The following ZDHHC23 variants were observed in gnomAD, a reference collection of about 807,000 sequenced individuals.
ZDHHC23 encodes the protein palmitoyltransferase ZDHHC23.
ZDHHC23 carries 41 observed loss-of-function variants against 40.2 expected under a neutral mutation model. The observed-to-expected ratio is 1.02, with a 90% confidence interval of 0.79 to 1.32. The LOEUF (loss-of-function observed/expected upper bound fraction) is 1.32. Among genes scored for constraint, ZDHHC23 ranks in the 40% most tolerant of loss-of-function variants. ZDHHC23 has a pLI of 0.00. For missense variants in ZDHHC23, 471 were observed against 541.5 expected, an observed-to-expected ratio of 0.87 and a Z score of 1.29; for synonymous variants, 204 against 210.2, an observed-to-expected ratio of 0.97 and a Z score of 0.26.
chr3:113,978,061 C>G, the ZDHHC23 span: 28 of 1,038,560 alleles, frequency 2.7e-5, no homozygotes, highest in Non-Finnish European at 4.0e-5. Context: ...ACTCCCACCC[C>G]TGACTGGTGT....
downstream of ZDHHC23, among the ~76,000 whole-genome samples, chr3:113,967,883 C>T (rs912800360): frequency 6.6e-6 from 1 of 152,014 alleles, no homozygotes; most frequent in African/African-American, 2.4e-5. Flanking sequence ...TGAGTAAGAA[C>T]ATGTATTTGT....
chr3:113,968,711 T>G (rs1262181405), downstream of ZDHHC23, among the ~76,000 whole-genome samples: 1 of 151,934 alleles, frequency 6.6e-6, no homozygotes, highest in Non-Finnish European at 1.5e-5. Flanking sequence ...CCACCCACCT[T>G]AGCCTCCCAA....
the ZDHHC23 span, chr3:113,978,047 C>G: frequency 4.7e-6 from 4 of 846,754 alleles, no homozygotes; most frequent in African/African-American, 6.8e-5. Flanking sequence ...GCTGGTGAGC[C>G]GGGACTCCCA....
downstream of ZDHHC23, among the ~76,000 whole-genome samples, chr3:113,969,418 TTGGCCAGACCAG>T (rs1179919606): frequency 6.6e-6 from 1 of 152,190 alleles, no homozygotes; most frequent in Admixed American, 6.5e-5. Context: ...CAAAAAATCT[TTGGCCAGACCAG>T]TGGCCTGGAG....
the ZDHHC23 span, among the ~76,000 whole-genome samples, chr3:113,973,174 G>C: frequency 1.3e-5 from 2 of 152,116 alleles, no homozygotes; most frequent in Non-Finnish European, 2.9e-5. Flanking sequence ...TTCTCAGGTA[G>C]TATGTTTTAA....
chr3:113,960,752 C>T lies in ZDHHC23; in HGVS notation c.*2122C>T. The T allele has an allele frequency of 6.4e-7, 1 of 1,562,264 alleles. No homozygotes were observed. The highest frequency in any genetic ancestry group is 8.6e-7 in the Non-Finnish European group (1 of 1,161,264). On this transcript the variant is annotated 3_prime_UTR_variant, in exon 5 of 5. Transcript: ENST00000638807. ...TGGATGAGCCAACTCCGCTTCCTTC[C>T]CATGGATAGGAAGGGACTCTGTGTA...
Position 113,958,491 on chromosome 3 carries a change from G to A in ZDHHC23, c.1169G>A (p.Arg390Gln), listed in dbSNP as rs1257024701. Residue 390 changes from arginine (R) to glutamine (Q), a missense_variant, in exon 5 of 5, where the codon CGA becomes CAA. Physicochemically the swap from Arg to Gln is conservative, Grantham distance 43. Coordinates refer to ENST00000638807, the MANE Select transcript of ZDHHC23 (RefSeq NM_001320466.2). ...GAGCGGGAAGTCCAGCAGGCCCTCC[G>A]ACAGAAGACTGGGCGCCGGCTCCTC... ...VTEREVQQALRQKTGRRLLCG... is the reference protein window; with the variant it reads ...VTEREVQQALQQKTGRRLLCG... 8 of 1,613,916 alleles carry A rather than the reference G, an allele frequency of 5.0e-6. No individual in the cohort carries two copies. The highest frequency in any genetic ancestry group is 1.3e-5 in the African/African-American group (1 of 74,920).
intron 1 of ZDHHC23, 80 bp from the exon 2 acceptor site, chr3:113,948,604 CCT>C: frequency 1.7e-6 from 1 of 587,426 alleles, no homozygotes; most frequent in Non-Finnish European, 2.9e-6. Context: ...CCTGGAGCCC[CCT>C]GTGTGGCCAG....
At chr3:113,964,495 A>G (rs1160913893), downstream of ZDHHC23, 3 of 152,222 alleles carry the variant, frequency 2.0e-5, no homozygotes, top group African/African-American at 7.2e-5. Flanking sequence ...TGAACAGATA[A>G]TTTAATGAAT....
At chr3:113,978,188 G>A in the ZDHHC23 span, 6 of 1,613,926 alleles carry the variant, frequency 3.7e-6, no homozygotes, top group South Asian at 1.1e-5. Flanking sequence ...AACCTCACCT[G>A]TCACTGTGCT....
At chr3:113,965,096 GA>G, downstream of ZDHHC23, 3 of 988,360 alleles carry the variant, frequency 3.0e-6, no homozygotes, top group Non-Finnish European at 4.5e-6. Flanking sequence ...TGGGTGGGTG[GA>G]GATAACACAC....
chr3:113,958,943 GGAAA>G lies in ZDHHC23; in HGVS notation c.*316_*319del. 1 of 1,211,396 alleles carries G rather than the reference GGAAA, an allele frequency of 8.3e-7. No individual in the cohort carries two copies. The highest frequency in any genetic ancestry group is 3.7e-4 in the Middle Eastern group (1 of 2,676). The allele number at this position is 1,211,396 out of a possible 1,614,324, so 75.0% of individuals were successfully genotyped here. The stretch of plus-strand genomic sequence containing the variant: ...AGCAATTCCCATCCATTAGTATGGA[GGAAA>G]GAGTGTTGGATTAGGATAGTTTCTA... On this transcript the variant is annotated 3_prime_UTR_variant, in exon 5 of 5. Coordinates refer to ENST00000638807, the MANE Select transcript of ZDHHC23 (RefSeq NM_001320466.2).
At chr3:113,971,248 G>A in the ZDHHC23 span, among the ~76,000 whole-genome samples, 3 of 152,084 alleles carry the variant, frequency 2.0e-5, no homozygotes, top group Non-Finnish European at 4.4e-5. Context: ...ACTTTTTAAT[G>A]ATCGCCATTC....
At position 113,958,615 on chromosome 3, in the gene ZDHHC23, C is replaced by T. The variant is rs755103796; in HGVS notation, c.1293C>T (p.Ala431=). The T allele has an allele frequency of 3.8e-6, 6 of 1,599,316 alleles. No individual in the cohort carries two copies. Among genetic ancestry groups the T allele is most frequent in the Non-Finnish European group, 5.1e-6 (6 of 1,178,688 alleles). Residue 431 remains alanine, a synonymous_variant, in exon 5 of 5, where the codon GCC becomes GCT. Transcript: ENST00000638807. Reference sequence around the variant, plus strand: ...GCACACGTGCATTCCACCACCCTGCCGAGGACATTGTCTGAAGTGCCTTCT... The same window carrying T: ...GCACACGTGCATTCCACCACCCTGCTGAGGACATTGTCTGAAGTGCCTTCT... ...TLGTRAFHHP[A]EDIV is the part of the protein sequence containing the mutation.
chr3:113,963,747 C>CA (rs145785717), downstream of ZDHHC23, among the ~76,000 whole-genome samples: 4,788 of 151,334 alleles, frequency 0.032, 229 homozygotes, highest in African/African-American at 0.11. Context: ...TGTCTCAAAA[C>CA]AAAAAAAACA....
In ZDHHC23 at chr3:113,959,755, T is replaced by G. The variant is rs1178946244; in HGVS notation, c.*1125T>G. 9.3e-7 allele frequency: 1 copy of G among 1,074,494 alleles called. No individual in the cohort carries two copies. The allele number at this position is 1,074,494 out of a possible 1,614,324, so 66.6% of individuals were successfully genotyped here. A position where few individuals can be genotyped will look rare whatever the true frequency, so the allele number is the denominator to read the frequency against. On this transcript the variant is annotated 3_prime_UTR_variant, in exon 5 of 5. Transcript: ENST00000638807. ...GTTGAGTGACATCTTCCCACTTAACTTGCACATTAATTCTCAATTACCCCT... is the reference window on the plus strand; with the variant it reads ...GTTGAGTGACATCTTCCCACTTAACGTGCACATTAATTCTCAATTACCCCT...
chr3:113,960,524 G>A lies in ZDHHC23; in HGVS notation c.*1894G>A. ...GTCGTGCTTTTGAATGTCAGCTGTA[G>A]AGCCAACTCTGATTATCTAGCCATT... On this transcript the variant is annotated 3_prime_UTR_variant, in exon 5 of 5. Transcript: ENST00000638807. 7.1e-7 allele frequency: 1 copy of A among 1,414,560 alleles called. No individual in the cohort carries two copies. Among genetic ancestry groups the A allele is most frequent in the South Asian group, 1.6e-5 (1 of 63,842 alleles). The allele number at this position is 1,414,560 out of a possible 1,614,324, so 87.6% of individuals were successfully genotyped here.
chr3:113,979,297 C>T, the ZDHHC23 span, among the ~76,000 whole-genome samples: 5 of 152,208 alleles, frequency 3.3e-5, no homozygotes, highest in Non-Finnish European at 7.3e-5. Flanking sequence ...TTCACTTCCC[C>T]TGAGTTTTGG....
At chr3:113,952,444 G>A (rs768580523) in intron 2 of ZDHHC23, among the ~76,000 whole-genome samples, 6 of 152,048 alleles carry the variant, frequency 3.9e-5, no homozygotes, top group Non-Finnish European at 7.4e-5. Context: ...AGGGATTCTC[G>A]AAGATTGAGG....
Sources: gnomAD v4.1 joint callset for allele counts (sites outside exome capture counted in the v4.1 genomes callset) on GRCh38, gnomAD v4.1.1 for gene constraint, MANE v1.5 for transcripts, NCBI Gene and HGNC (gene_info 2026-07-23, HGNC 2026-07-21) for gene names.